ZMPSTE24: variants seen among roughly 807,000 people sequenced by gnomAD.
The protein encoded by ZMPSTE24 is zinc metallopeptidase STE24.
Under a neutral mutation model 56.7 loss-of-function variants are expected in ZMPSTE24, and 48 were observed. The ratio of observed to expected loss-of-function variants is 0.85; its 90% CI spans 0.67 to 1.08. The LOEUF (loss-of-function observed/expected upper bound fraction) is 1.08. ZMPSTE24 is among the 50% of genes least tolerant of loss of function. The pLI, the probability that ZMPSTE24 is intolerant of heterozygous loss-of-function variation, is 0.00. For missense variants in ZMPSTE24, 503 were observed against 548.7 expected (o/e 0.92, Z 0.83); for synonymous variants, 172 against 195.2 (o/e 0.88, Z 0.99).
chr1:40,275,146 G>A (rs1178261729), intron 6 of ZMPSTE24, among the ~76,000 whole-genome samples: 3 of 151,694 alleles, frequency 2.0e-5, no homozygotes, highest in Non-Finnish European at 4.4e-5. Context: ...TGGACCAGGC[G>A]CAGTGGCTTA....
At chr1:40,280,568 G>A (rs1227483424) in intron 6 of ZMPSTE24, among the ~76,000 whole-genome samples, 1 of 152,068 alleles carries the variant, frequency 6.6e-6, no homozygotes, top group East Asian at 1.9e-4. Context: ...GGGATGACAG[G>A]TGTGCGCCAC....
At chr1:40,262,789 GT>G in intron 2 of ZMPSTE24, 1 of 1,175,614 alleles carries the variant, frequency 8.5e-7, no homozygotes, top group Non-Finnish European at 1.1e-6. Context: ...TGACGGCTGA[GT>G]TTTGCTGTTT....
chr1:40,293,465 T>C lies in ZMPSTE24; in HGVS notation c.*796T>C, dbSNP rs1643862651. ...TTCATGCAGTAAATAATACATCCTTTCACTCAGCAGAGATGGCCATATTAA... is the reference window on the plus strand; with the variant it reads ...TTCATGCAGTAAATAATACATCCTTCCACTCAGCAGAGATGGCCATATTAA... On this transcript the variant is annotated 3_prime_UTR_variant, in exon 10 of 10. Coordinates refer to ENST00000372759, the MANE Select transcript of ZMPSTE24 (RefSeq NM_005857.5). 6.6e-6 allele frequency: 1 copy of C among 152,168 alleles called. No homozygotes were observed. The highest frequency in any genetic ancestry group is 1.5e-5 in the Non-Finnish European group (1 of 68,032). 9.4% of individuals were successfully genotyped at this position (152,168 alleles called of 1,614,324 possible).
At chr1:40,271,318 T>G (rs1643612461) in intron 5 of ZMPSTE24, among the ~76,000 whole-genome samples, 1 of 152,206 alleles carries the variant, frequency 6.6e-6, no homozygotes, top group African/African-American at 2.4e-5. Flanking sequence ...GCTAGTTGGA[T>G]TTACAGGTAT....
chr1:40,279,844 A>G (rs1173579875), intron 6 of ZMPSTE24, among the ~76,000 whole-genome samples: 1 of 152,120 alleles, frequency 6.6e-6, no homozygotes, highest in Non-Finnish European at 1.5e-5. Context: ...AGTGGATCAG[A>G]CTGGCAGCAG....
chr1:40,286,277 A>C (rs1431167568), intron 8 of ZMPSTE24, among the ~76,000 whole-genome samples: 1 of 152,194 alleles, frequency 6.6e-6, no homozygotes, highest in Non-Finnish European at 1.5e-5. Flanking sequence ...ATACATGTAA[A>C]GAGTTTAGAC....
chr1:40,280,238 C>T (rs1053940246), intron 6 of ZMPSTE24, among the ~76,000 whole-genome samples: 2 of 152,040 alleles, frequency 1.3e-5, no homozygotes, highest in African/African-American at 2.4e-5. Flanking sequence ...TGTCAACTTC[C>T]GATGGCCTGC....
intron 8 of ZMPSTE24, among the ~76,000 whole-genome samples, chr1:40,286,238 A>G (rs1325071075): frequency 6.6e-6 from 1 of 152,122 alleles, no homozygotes; most frequent in African/African-American, 2.4e-5. Context: ...ATAATACCTC[A>G]TAGGACTGGT....
chr1:40,276,167 A>G (rs912500572), intron 6 of ZMPSTE24, among the ~76,000 whole-genome samples: 1 of 152,232 alleles, frequency 6.6e-6, no homozygotes, highest in African/African-American at 2.4e-5. Context: ...AAGAAAAAAG[A>G]CTACACACAA....
chr1:40,267,960 A>G (rs548367942), intron 3 of ZMPSTE24, 88 bp downstream of exon 3: 370 of 1,194,166 alleles, frequency 3.1e-4, no homozygotes, highest in Non-Finnish European at 4.4e-4. Context: ...GCTTCTGCCA[A>G]TGTTAAGATT....
Position 40,290,450 on chromosome 1 carries a change from A to ATTTTTT in ZMPSTE24, c.1060-381_1060-376dup, listed in dbSNP as rs996301433. On this transcript the variant is annotated intron_variant, in intron 8 of 9. Coordinates refer to ENST00000372759, the MANE Select transcript of ZMPSTE24 (RefSeq NM_005857.5). ...TACCTTTCTTAAAATCACACTATGA[A>ATTTTTT]TTTTTTTTTTTTTTTTTTTTTTTTT... Among the ~76,000 whole-genome samples the ATTTTTT allele has an allele frequency of 8.8e-4, 73 of 82,586 alleles. 16 individuals carry two copies. Among genetic ancestry groups the ATTTTTT allele is most frequent in the African/African-American group, 2.7e-3 (47 of 17,214 alleles). 54.2% of individuals were successfully genotyped at this position (82,586 alleles called of 152,430 possible).
chr1:40,280,714 C>T (rs1022402892), intron 6 of ZMPSTE24, among the ~76,000 whole-genome samples: 1 of 152,244 alleles, frequency 6.6e-6, no homozygotes, highest in Non-Finnish European at 1.5e-5. Context: ...GCATGAGCCA[C>T]TGCACCCAGT....
intron 7 of ZMPSTE24, among the ~76,000 whole-genome samples, chr1:40,283,265 A>G (rs1643748217): frequency 6.6e-6 from 1 of 152,204 alleles, no homozygotes; most frequent in Non-Finnish European, 1.5e-5. Context: ...GCACTTTGGA[A>G]GGCCAAGACA....
At chr1:40,265,338 GA>G (rs575734746) in intron 2 of ZMPSTE24, among the ~76,000 whole-genome samples, 216 of 152,280 alleles carry the variant, frequency 1.4e-3, no homozygotes, top group Non-Finnish European at 2.4e-3. Context: ...TGTCTTTTGG[GA>G]AAACAAGGTT....
intron 8 of ZMPSTE24, among the ~76,000 whole-genome samples, chr1:40,289,773 G>T (rs1441010844): frequency 1.3e-5 from 2 of 152,060 alleles, no homozygotes; most frequent in East Asian, 3.8e-4. Context: ...GATCAAGATG[G>T]ATCTACTTTT....
chr1:40,292,999 T>C lies in ZMPSTE24; in HGVS notation c.*330T>C, dbSNP rs865957494. ...TCTGCATGTGAGGTGTTTGAGGGCA[T>C]ATGTTTGAAAGAGGGAGCATCACCA... is the stretch of plus-strand genomic sequence containing the variant. On this transcript the variant is annotated 3_prime_UTR_variant, in exon 10 of 10. Coordinates refer to ENST00000372759, the MANE Select transcript of ZMPSTE24 (RefSeq NM_005857.5). 1.0e-4 allele frequency: 28 copies of C among 274,096 alleles called. No homozygotes were observed. Among genetic ancestry groups the C allele is most frequent in the African/African-American group, 6.2e-4 (27 of 43,668 alleles). 17.0% of individuals were successfully genotyped at this position (274,096 alleles called of 1,614,324 possible). A position where few individuals can be genotyped will look rare whatever the true frequency, so the allele number is the denominator to read the frequency against.
Position 40,292,789 on chromosome 1 carries a change from T to C in ZMPSTE24, c.*120T>C, listed in dbSNP as rs1264626139. The C allele has an allele frequency of 1.1e-5, 8 of 741,680 alleles. No individual in the cohort carries two copies. 45.9% of individuals were successfully genotyped at this position (741,680 alleles called of 1,614,324 possible). A position where few individuals can be genotyped will look rare whatever the true frequency, so the allele number is the denominator to read the frequency against. On this transcript the variant is annotated 3_prime_UTR_variant, in exon 10 of 10. Coordinates refer to ENST00000372759, the MANE Select transcript of ZMPSTE24 (RefSeq NM_005857.5). ...AAAATTAAGTACAGAAAAGCCCAGATTTAAATACATTTAATATGTCATTTT... is the reference window on the plus strand; with the variant it reads ...AAAATTAAGTACAGAAAAGCCCAGACTTAAATACATTTAATATGTCATTTT...
At chr1:40,270,284 C>T (rs967723855) in intron 5 of ZMPSTE24, among the ~76,000 whole-genome samples, 157 bp downstream of exon 5, 1 of 152,142 alleles carries the variant, frequency 6.6e-6, no homozygotes, top group Non-Finnish European at 1.5e-5. Flanking sequence ...ATTGTAGACA[C>T]AGGAGTATTG....
At position 40,292,460 on chromosome 1, in the gene ZMPSTE24, C is replaced by G. The variant is rs1295923781; in HGVS notation, c.1219C>G (p.Leu407Val). ...TCTTTTTCAGGTTCTTTCTTTTTGC[C>G]TAACAGTCCTAAGCCGCAGATTTGA... is the stretch of plus-strand genomic sequence containing the variant. The part of the protein sequence containing the change: ...SPYNEVLSFC[L>V]TVLSRRFEFQ... The change falls in exon 10 of 10, where the codon CTA becomes GTA. Residue 407 changes from leucine (L) to valine (V), a missense_variant. Transcript: ENST00000372759. The G allele has an allele frequency of 6.2e-7, 1 of 1,613,906 alleles. No individual in the cohort carries two copies. Among genetic ancestry groups the G allele is most frequent in the East Asian group, 2.2e-5 (1 of 44,874 alleles).
Sources: gnomAD v4.1 joint callset for allele counts (sites outside exome capture counted in the v4.1 genomes callset) on GRCh38, gnomAD v4.1.1 for gene constraint, MANE v1.5 for transcripts, NCBI Gene and HGNC (gene_info 2026-07-23, HGNC 2026-07-21) for gene names.